Variants in LINGO1 observed in about 807,000 individuals in gnomAD.
LINGO1 encodes the protein leucine-rich repeat and immunoglobulin-like domain-containing nogo receptor-interacting protein 1.
Under a neutral mutation model 37.3 loss-of-function variants are expected in LINGO1, and 11 were observed. The ratio of observed to expected loss-of-function variants is 0.29; its 90% CI spans 0.19 to 0.49. The LOEUF (loss-of-function observed/expected upper bound fraction) is 0.49, where lower values mean the gene tolerates loss of function less well. Among genes scored for constraint, LINGO1 ranks in the 20% least tolerant of loss-of-function variants. The probability of loss-of-function intolerance (pLI) is 0.99; values close to 1 mark genes in which losing one functional copy is unlikely to be tolerated. For missense variants in LINGO1, 585 were observed against 878.2 expected (o/e 0.67, Z 4.22); for synonymous variants, 387 against 403.0 (o/e 0.96, Z 0.48).
At chr15:77,653,598 G>A (rs993399912) in intron 3 of LINGO1, among the ~76,000 whole-genome samples, 2 of 152,174 alleles carry the variant, frequency 1.3e-5, no homozygotes, top group African/African-American at 2.4e-5. Context: ...AACGAGGCAC[G>A]GGACCAGGGG....
intron 1 of LINGO1, among the ~76,000 whole-genome samples, chr15:77,694,161 A>G (rs941459252): frequency 6.6e-6 from 1 of 152,170 alleles, no homozygotes; most frequent in Non-Finnish European, 1.5e-5. Context: ...GCTAGATTGC[A>G]CGGACTGAAG....
At chr15:77,717,152 GT>G (rs1366633521) in intron 2 of LINGO1, among the ~76,000 whole-genome samples, 1 of 150,548 alleles carries the variant, frequency 6.6e-6, no homozygotes, top group Non-Finnish European at 1.5e-5. Flanking sequence ...CAAGGCGGGG[GT>G]TAACTCTCTG....
chr15:77,733,905 C>A (rs148599673), intron 2 of LINGO1, among the ~76,000 whole-genome samples: 120 of 152,344 alleles, frequency 7.9e-4, no homozygotes, highest in Middle Eastern at 6.8e-3. Context: ...CAAGACTCTG[C>A]TGCAAAATGA....
chr15:77,716,502 T>C (rs2075987229), intron 2 of LINGO1, among the ~76,000 whole-genome samples: 1 of 149,464 alleles, frequency 6.7e-6, no homozygotes, highest in Non-Finnish European at 1.5e-5. Flanking sequence ...TATGGCTATG[T>C]ACACTGTGAT....
chr15:77,653,858 G>A (rs746905852), intron 3 of LINGO1, among the ~76,000 whole-genome samples: 2 of 152,192 alleles, frequency 1.3e-5, no homozygotes, highest in Non-Finnish European at 2.9e-5. Context: ...TACCTTCTGT[G>A]TGCCAAGCTC....
At chr15:77,717,057 G>C (rs1322028823) in intron 2 of LINGO1, among the ~76,000 whole-genome samples, 1 of 128,930 alleles carries the variant, frequency 7.8e-6, no homozygotes, top group African/African-American at 2.6e-5. Flanking sequence ...TGAGGAGGAG[G>C]GGAAGCCTGA....
At chr15:77,633,817 T>G (rs1187044714), upstream of LINGO1, among the ~76,000 whole-genome samples, 1 of 152,174 alleles carries the variant, frequency 6.6e-6, no homozygotes, top group Non-Finnish European at 1.5e-5. Context: ...GATCCTCAGA[T>G]ACAGAAACTA....
At chr15:77,743,671 T>C (rs923182642) in intron 1 of LINGO1, among the ~76,000 whole-genome samples, 3 of 152,188 alleles carry the variant, frequency 2.0e-5, no homozygotes, top group Non-Finnish European at 4.4e-5. Flanking sequence ...TGTTCAGGGC[T>C]GGCTGGGGAG....
At chr15:77,680,448 T>C (rs116556642) in intron 2 of LINGO1, among the ~76,000 whole-genome samples, 1,855 of 152,284 alleles carry the variant, frequency 0.012, 49 homozygotes, top group African/African-American at 0.042. Flanking sequence ...ACTTTCTGAG[T>C]GAGAGAACTA....
At chr15:77,660,842 G>A (rs574260822) in intron 3 of LINGO1, among the ~76,000 whole-genome samples, 2 of 152,240 alleles carry the variant, frequency 1.3e-5, no homozygotes, top group East Asian at 3.9e-4. Context: ...ATCCCTGCCT[G>A]GAGCACAGGC....
intron 1 of LINGO1, among the ~76,000 whole-genome samples, chr15:77,776,537 G>T (rs1250349498): frequency 6.8e-6 from 1 of 146,422 alleles, no homozygotes; most frequent in Non-Finnish European, 1.5e-5. Flanking sequence ...AGGGAGGGAG[G>T]GAGGGAGGGA....
intron 1 of LINGO1, among the ~76,000 whole-genome samples, chr15:77,815,498 T>C (rs1348401301): frequency 6.6e-6 from 1 of 152,070 alleles, no homozygotes; most frequent in African/African-American, 2.4e-5. Context: ...CCACTCAAAC[T>C]CACTCCAGTT....
intron 1 of LINGO1, among the ~76,000 whole-genome samples, chr15:77,751,502 A>G (rs2076371091): frequency 6.6e-6 from 1 of 152,216 alleles, no homozygotes; most frequent in Admixed American, 6.5e-5. Context: ...TGCCCTGGGA[A>G]GAACACAGTG....
At chr15:77,629,194 C>G (rs2074180818) in intron 1 of LINGO1, among the ~76,000 whole-genome samples, 1 of 152,202 alleles carries the variant, frequency 6.6e-6, no homozygotes, top group Non-Finnish European at 1.5e-5. Context: ...AACAACTTCA[C>G]TATGAAATAA....
rs1025945675 is a variant in LINGO1, at chr15:77,615,970, A to G, written c.7-70T>C. On this transcript the variant is annotated intron_variant, in intron 1 of 1. Coordinates refer to ENST00000355300, the MANE Select transcript of LINGO1 (RefSeq NM_032808.7). ...CAGTGTGTGTCTGGATGCCACCCCA[A>G]GCCACCTGGGCCCCTCCTGCCCTGT... is the stretch of plus-strand genomic sequence containing the variant. The G allele has an allele frequency of 7.8e-6, 9 of 1,158,134 alleles. No homozygotes were observed. In the African/African-American group the frequency reaches 1.4e-4, roughly 18 times the overall value. 71.7% of individuals were successfully genotyped at this position (1,158,134 alleles called of 1,614,324 possible).
intron 1 of LINGO1, among the ~76,000 whole-genome samples, chr15:77,751,823 C>T (rs1407187142): frequency 3.3e-5 from 5 of 152,206 alleles, no homozygotes; most frequent in Admixed American, 2.6e-4. Flanking sequence ...GATACTTGAG[C>T]TCTAGATGAA....
chr15:77,653,805 C>A (rs1294093649), intron 3 of LINGO1, among the ~76,000 whole-genome samples: 1 of 144,656 alleles, frequency 6.9e-6, no homozygotes, highest in Non-Finnish European at 1.5e-5. Context: ...GGTTGGATCT[C>A]TTTGGAGCTG....
intron 1 of LINGO1, among the ~76,000 whole-genome samples, chr15:77,802,972 A>G (rs2076931689): frequency 6.6e-6 from 1 of 151,960 alleles, no homozygotes; most frequent in Non-Finnish European, 1.5e-5. Flanking sequence ...GCCTCCCAAT[A>G]CTACCCTCCA....
intron 1 of LINGO1, among the ~76,000 whole-genome samples, chr15:77,809,152 G>A (rs1158952999): frequency 6.6e-6 from 1 of 152,232 alleles, no homozygotes; most frequent in African/African-American, 2.4e-5. Context: ...CAGGCCAGGT[G>A]GAGGAGGTGA....
Sources: allele counts gnomAD v4.1 joint callset (sites outside exome capture counted in the v4.1 genomes callset), GRCh38; gene constraint gnomAD v4.1.1; transcripts MANE v1.5; gene names NCBI Gene and HGNC (gene_info 2026-07-23, HGNC 2026-07-21).